TAFA5: variants seen among roughly 807,000 people sequenced by gnomAD.
TAFA5 encodes the protein TAFA chemokine like family member 5, also known as chemokine-like protein TAFA-5.
A neutral mutation model predicts 15.3 loss-of-function variants in TAFA5; 6 were observed. That is an observed-to-expected ratio of 0.39 (90% CI 0.21 to 0.77). The LOEUF (loss-of-function observed/expected upper bound fraction) is 0.77. TAFA5 is among the 30% of genes least tolerant of loss of function. TAFA5 has a pLI of 0.41. For missense variants in TAFA5, 161 were observed against 193.1 expected, an observed-to-expected ratio of 0.83 and a Z score of 0.98; for synonymous variants, 103 against 80.7, an observed-to-expected ratio of 1.28 and a Z score of -1.48.
chr22:48,503,148 G>A (rs1236802514), intron 1 of TAFA5, among the ~76,000 whole-genome samples: 1 of 152,334 alleles, frequency 6.6e-6, no homozygotes, highest in South Asian at 2.1e-4. Context: ...CCTGTGTGAG[G>A]AGGTCTGTCC....
intron 1 of TAFA5, among the ~76,000 whole-genome samples, chr22:48,628,515 G>T (rs1344669772): frequency 6.6e-6 from 1 of 152,238 alleles, no homozygotes; most frequent in East Asian, 1.9e-4. Context: ...TTTCTCCCAG[G>T]TGGGATGCCA....
rs573604405 is a variant in TAFA5 at position 48,552,189 on chromosome 22, C to T, written c.112+62485C>T. Among the ~76,000 whole-genome samples, 52 of 152,304 alleles carry T rather than the reference C, an allele frequency of 3.4e-4. No homozygotes were observed. Among genetic ancestry groups the T allele is most frequent in the African/African-American group, 1.3e-3 (52 of 41,562 alleles). On this transcript the variant is annotated intron_variant, in intron 1 of 3. Transcript: ENST00000402357. This position sits in a 1 kb window ranked among gnomAD's most constrained non-coding sequence, Gnocchi z 4.1. ...CAAGGAGTCACCAGTCACAGCGGAC[C>T]TCACATGGCTCTTCTGCTGTGGAGA...
At chr22:48,537,573 C>G (rs184110700) in intron 1 of TAFA5, among the ~76,000 whole-genome samples, 1 of 152,364 alleles carries the variant, frequency 6.6e-6, no homozygotes, top group Non-Finnish European at 1.5e-5. Context: ...GGATAAGGCT[C>G]CTGGGAGGAC....
At chr22:48,535,045 T>C (rs569874200) in intron 1 of TAFA5, among the ~76,000 whole-genome samples, 2 of 152,042 alleles carry the variant, frequency 1.3e-5, no homozygotes, top group East Asian at 3.9e-4. Flanking sequence ...TTCCGGAACA[T>C]CACCTCTCCC....
intron 3 of TAFA5, among the ~76,000 whole-genome samples, chr22:48,737,983 C>A (rs130219): frequency 0.31 from 47,085 of 151,710 alleles, 8,533 homozygotes; most frequent in Non-Finnish European, 0.42. Flanking sequence ...CTGGGGGATG[C>A]TGTTGGGGGG....
At chr22:48,576,476 C>T in intron 1 of TAFA5, 2 of 1,459,692 alleles carry the variant, frequency 1.4e-6, no homozygotes, top group Non-Finnish European at 1.8e-6. Flanking sequence ...AGTTGGGACT[C>T]CGCGATGCAG....
intron 1 of TAFA5, among the ~76,000 whole-genome samples, chr22:48,599,520 CAGAG>C (rs1211262155): frequency 6.6e-6 from 1 of 152,244 alleles, no homozygotes; most frequent in Non-Finnish European, 1.5e-5. Context: ...CAGCATGGCA[CAGAG>C]AGAGCGTGAC....
At chr22:48,646,391 G>A (rs1025079497) in intron 1 of TAFA5, among the ~76,000 whole-genome samples, 2 of 152,332 alleles carry the variant, frequency 1.3e-5, no homozygotes, top group African/African-American at 2.4e-5. Context: ...GGTGGAGTTC[G>A]CCGACTTGAC....
chr22:48,523,827 G>A (rs923876530), intron 1 of TAFA5, among the ~76,000 whole-genome samples: 23 of 152,226 alleles, frequency 1.5e-4, no homozygotes, highest in African/African-American at 5.3e-4. Flanking sequence ...GGGTGTGGAC[G>A]CAGGGTCCTC....
chr22:48,527,381 G>A lies in TAFA5; in HGVS notation c.112+37677G>A, dbSNP rs550514179. ...TGAATGGATGAGCAGCTATGGTGTC[G>A]CCTGGCACCTGCTTATAGGGCAGGG... On this transcript the variant is annotated intron_variant, in intron 1 of 3. Coordinates refer to ENST00000402357, the MANE Select transcript of TAFA5 (RefSeq NM_001082967.3). Among the ~76,000 whole-genome samples the A allele has an allele frequency of 1.6e-4, 24 of 152,352 alleles. No individual in the cohort carries two copies. In the East Asian group the frequency reaches 3.9e-3, roughly 24 times the overall value.
At chr22:48,676,153 G>T (rs371531491) in intron 2 of TAFA5, among the ~76,000 whole-genome samples, 1 of 152,230 alleles carries the variant, frequency 6.6e-6, no homozygotes, top group African/African-American at 2.4e-5. Context: ...AGATCCAGCC[G>T]TGTCCCCAGC....
chr22:48,629,205 C>G (rs1025718190), intron 1 of TAFA5, among the ~76,000 whole-genome samples: 3 of 152,158 alleles, frequency 2.0e-5, no homozygotes, highest in African/African-American at 7.2e-5. Context: ...TGCTTCAGCC[C>G]CATCTAGGCC....
chr22:48,751,865 T>C lies in TAFA5; in HGVS notation c.*2018T>C, dbSNP rs1930508188. ...TGTTACAGCATATTTTTTTTTCTTG[T>C]TTTACAGTATTCAATTTTGTGTTGA... is the stretch of plus-strand genomic sequence containing the variant. On this transcript the variant is annotated 3_prime_UTR_variant, in exon 4 of 4. Coordinates refer to ENST00000402357, the MANE Select transcript of TAFA5 (RefSeq NM_001082967.3). 6.6e-6 allele frequency: 1 copy of C among 152,556 alleles called. No individual in the cohort carries two copies. Among genetic ancestry groups the C allele is most frequent in the Non-Finnish European group, 1.5e-5 (1 of 68,046 alleles). The allele number at this position is 152,556 out of a possible 1,614,324, so 9.5% of individuals were successfully genotyped here. A position where few individuals can be genotyped will look rare whatever the true frequency, so the allele number is the denominator to read the frequency against.
chr22:48,611,518 G>A (rs189456343), intron 1 of TAFA5, among the ~76,000 whole-genome samples: 16 of 152,276 alleles, frequency 1.1e-4, no homozygotes, highest in African/African-American at 2.6e-4. Context: ...TATGCCTGGC[G>A]AGGGCTTTTG....
chr22:48,553,127 A>T (rs1302184966), intron 1 of TAFA5, among the ~76,000 whole-genome samples: 1 of 151,990 alleles, frequency 6.6e-6, no homozygotes, highest in East Asian at 1.9e-4. Context: ...CTCTCTAGAC[A>T]TCCTCCTGAC....
At position 48,560,577 on chromosome 22, in the gene TAFA5, TTATTATTATTATTA is replaced by T. The variant is rs1434046439; in HGVS notation, c.112+70888_112+70901del. ...TGAAAAACGTTGTATTTTATTATTA[TTATTATTATTATTA>T]TATTATTATTATTAATTATTTATTT... is the stretch of plus-strand genomic sequence containing the variant. On this transcript the variant is annotated intron_variant, in intron 1 of 3. Transcript: ENST00000402357. This position sits in a 1 kb window ranked among gnomAD's most constrained non-coding sequence, Gnocchi z 4.2. Among the ~76,000 whole-genome samples, 1 of 82,564 alleles carries T rather than the reference TTATTATTATTATTA, an allele frequency of 1.2e-5. No homozygotes were observed. Among genetic ancestry groups the T allele is most frequent in the East Asian group, 3.1e-4 (1 of 3,184 alleles). 54.2% of individuals were successfully genotyped at this position (82,564 alleles called of 152,430 possible). A position where few individuals can be genotyped will look rare whatever the true frequency, so the allele number is the denominator to read the frequency against.
At chr22:48,678,442 G>A (rs1216692371) in intron 2 of TAFA5, among the ~76,000 whole-genome samples, 1 of 152,222 alleles carries the variant, frequency 6.6e-6, no homozygotes, top group East Asian at 1.9e-4. Context: ...GAACCAGGAA[G>A]AGGTCGGGCA....
At chr22:48,544,187 T>A in intron 1 of TAFA5, 1 of 168,828 alleles carries the variant, frequency 5.9e-6, no homozygotes, top group Non-Finnish European at 1.3e-5. Flanking sequence ...TCAGGTCCCA[T>A]GGTTTACATA....
chr22:48,561,959 C>T (rs1024625134), intron 1 of TAFA5, among the ~76,000 whole-genome samples: 10 of 152,236 alleles, frequency 6.6e-5, no homozygotes, highest in Admixed American at 1.3e-4. Context: ...TCACCCTGCC[C>T]GGCCTCAGGC....
Sources: allele counts gnomAD v4.1 joint callset (sites outside exome capture counted in the v4.1 genomes callset), GRCh38; gene constraint gnomAD v4.1.1; non-coding constraint Gnocchi (gnomAD v3.1); transcripts MANE v1.5; gene names NCBI Gene and HGNC (gene_info 2026-07-23, HGNC 2026-07-21).